PDE6D: variants seen among roughly 807,000 people sequenced by gnomAD.
PDE6D encodes the protein phosphodiesterase 6D.
A neutral mutation model predicts 21.9 loss-of-function variants in PDE6D; 10 were observed. The ratio of observed to expected loss-of-function variants is 0.46; its 90% CI spans 0.28 to 0.78. The LOEUF (loss-of-function observed/expected upper bound fraction) is 0.78, where lower values mean the gene tolerates loss of function less well. Among genes scored for constraint, PDE6D ranks in the 30% least tolerant of loss-of-function variants. The pLI is 0.12. For missense variants in PDE6D, 139 were observed against 184.8 expected, an observed-to-expected ratio of 0.75 and a Z score of 1.44; for synonymous variants, 59 against 63.5, an observed-to-expected ratio of 0.93 and a Z score of 0.34.
intron 1 of PDE6D, among the ~76,000 whole-genome samples, chr2:231,764,232 A>AAT (rs1399774504): frequency 6.6e-6 from 1 of 152,030 alleles, no homozygotes; most frequent in Non-Finnish European, 1.5e-5. Context: ...CAGCTTGGGC[A>AAT]ATATAGTGAG....
chr2:231,738,183 C>T (rs757991699), intron 2 of PDE6D, 45 bp from the exon 3 acceptor site: 7 of 1,580,126 alleles, frequency 4.4e-6, no homozygotes, highest in African/African-American at 2.7e-5. Context: ...AAATGAAAAC[C>T]ACAGGACTAT....
chr2:231,757,534 TGCCCACCTCA>T (rs1397997560), intron 1 of PDE6D, among the ~76,000 whole-genome samples: 2 of 152,058 alleles, frequency 1.3e-5, no homozygotes, highest in Non-Finnish European at 2.9e-5. Context: ...TCAGGTGATC[TGCCCACCTCA>T]GCCTCCCAAA....
intron 1 of PDE6D, among the ~76,000 whole-genome samples, chr2:231,770,376 A>T (rs1232178053): frequency 6.6e-6 from 1 of 152,172 alleles, no homozygotes; most frequent in Non-Finnish European, 1.5e-5. Flanking sequence ...TCCTCTGGTA[A>T]CTCTAATTGT....
chr2:231,735,241 C>T, intron 4 of PDE6D, among the ~76,000 whole-genome samples: 1 of 86,922 alleles, frequency 1.2e-5, no homozygotes, highest in Non-Finnish European at 2.2e-5. Flanking sequence ...GACTCCATAT[C>T]AAAAAAAAAA....
chr2:231,772,426 C>T (rs1270285283), intron 1 of PDE6D, among the ~76,000 whole-genome samples: 2 of 152,120 alleles, frequency 1.3e-5, no homozygotes, highest in African/African-American at 4.8e-5. Context: ...GCTTTTCTTC[C>T]CAGCTCCAAA....
chr2:231,770,854 G>C (rs2049009711), intron 1 of PDE6D, among the ~76,000 whole-genome samples: 1 of 151,910 alleles, frequency 6.6e-6, no homozygotes, highest in African/African-American at 2.4e-5. Context: ...TCGGGAGACT[G>C]AGGCAGGAGA....
intron 1 of PDE6D, among the ~76,000 whole-genome samples, chr2:231,780,535 G>GGGTGC (rs923559241): frequency 2.4e-4 from 37 of 152,232 alleles, no homozygotes; most frequent in East Asian, 5.8e-4. Flanking sequence ...GACGGGGGTG[G>GGGTGC]GGTGCGGTGC....
chr2:231,771,455 G>A (rs2049015257), intron 1 of PDE6D, among the ~76,000 whole-genome samples: 1 of 152,198 alleles, frequency 6.6e-6, no homozygotes, highest in Admixed American at 6.5e-5. Flanking sequence ...TCTATAAAGT[G>A]AGGATAACAA....
chr2:231,743,223 A>C (rs2048764327), intron 1 of PDE6D, among the ~76,000 whole-genome samples: 1 of 152,110 alleles, frequency 6.6e-6, no homozygotes, highest in Admixed American at 6.5e-5. Flanking sequence ...CAAGAGATCA[A>C]GACCATCTTG....
intron 1 of PDE6D, among the ~76,000 whole-genome samples, chr2:231,760,766 G>C (rs969683061): frequency 2.0e-5 from 3 of 152,118 alleles, no homozygotes; most frequent in African/African-American, 7.2e-5. Flanking sequence ...TATTCCACAG[G>C]TCAAAACCCA....
chr2:231,744,684 C>T (rs2048778600), intron 1 of PDE6D, among the ~76,000 whole-genome samples: 1 of 152,068 alleles, frequency 6.6e-6, no homozygotes, highest in Non-Finnish European at 1.5e-5. Context: ...CTGCCTGCCT[C>T]GGCCTCCCAA....
At chr2:231,746,713 G>C (rs867118458) in intron 1 of PDE6D, among the ~76,000 whole-genome samples, 1 of 152,140 alleles carries the variant, frequency 6.6e-6, no homozygotes, top group African/African-American at 2.4e-5. Context: ...AGAACAGAGA[G>C]TGAGAAGGAA....
At chr2:231,780,947 C>T (rs1339273412) in intron 1 of PDE6D, 118 bp downstream of exon 1, 35 of 916,054 alleles carry the variant, frequency 3.8e-5, no homozygotes, top group South Asian at 2.9e-5. Flanking sequence ...TTCCTCTCCC[C>T]TCCCGCGGCC....
At chr2:231,737,976 C>T in intron 3 of PDE6D, 37 bp downstream of exon 3, 1 of 1,599,078 alleles carries the variant, frequency 6.3e-7, no homozygotes, top group Non-Finnish European at 8.5e-7. Flanking sequence ...CCTGGTCGCC[C>T]TAAGCCCTGA....
At chr2:231,780,679 C>T (rs1178063033) in intron 1 of PDE6D, among the ~76,000 whole-genome samples, 1 of 152,162 alleles carries the variant, frequency 6.6e-6, no homozygotes, top group Non-Finnish European at 1.5e-5. Flanking sequence ...TCGAGATCAG[C>T]CCACCGCGCC....
At chr2:231,768,441 A>G (rs755971185) in intron 1 of PDE6D, among the ~76,000 whole-genome samples, 7 of 151,828 alleles carry the variant, frequency 4.6e-5, no homozygotes, top group Non-Finnish European at 1.0e-4. Flanking sequence ...TACATGCTGG[A>G]GTGCGGTGGC....
chr2:231,755,933 T>TA (rs2048879659), intron 1 of PDE6D, among the ~76,000 whole-genome samples: 1 of 146,542 alleles, frequency 6.8e-6, no homozygotes, highest in Non-Finnish European at 1.5e-5. Flanking sequence ...AAAAAAAAAA[T>TA]TATATATATA....
chr2:231,748,317 C>G (rs1438695842), intron 1 of PDE6D, among the ~76,000 whole-genome samples: 3 of 152,100 alleles, frequency 2.0e-5, no homozygotes, highest in Non-Finnish European at 4.4e-5. Flanking sequence ...AAAGGTGACT[C>G]TTGTTATGTT....
At chr2:231,780,738 C>T (rs1034372237) in intron 1 of PDE6D, among the ~76,000 whole-genome samples, 1 of 152,126 alleles carries the variant, frequency 6.6e-6, no homozygotes, top group Non-Finnish European at 1.5e-5. Context: ...CCTCTGGGTC[C>T]CGGCCGGGGA....
Sources: gnomAD v4.1 joint callset for allele counts (sites outside exome capture counted in the v4.1 genomes callset) on GRCh38, gnomAD v4.1.1 for gene constraint, MANE v1.5 for transcripts, NCBI Gene and HGNC (gene_info 2026-07-23, HGNC 2026-07-21) for gene names.